The following ENSA variants were observed in gnomAD, a reference collection of about 807,000 sequenced individuals.
ENSA encodes the protein alpha-endosulfine.
ENSA carries 7 observed loss-of-function variants against 16.8 expected under a neutral mutation model. The observed-to-expected ratio is 0.42, with a 90% confidence interval of 0.24 to 0.78. The LOEUF (loss-of-function observed/expected upper bound fraction) is 0.78, where lower values mean the gene tolerates loss of function less well. Among genes scored for constraint, ENSA ranks in the 30% least tolerant of loss-of-function variants. The probability of loss-of-function intolerance (pLI) is 0.29; values close to 1 mark genes in which losing one functional copy is unlikely to be tolerated. For synonymous variants in ENSA, 58 were observed against 53.4 expected, an observed-to-expected ratio of 1.09 and a Z score of -0.37; for missense variants, 87 against 142.3, an observed-to-expected ratio of 0.61 and a Z score of 1.98.
Position 150,622,721 on chromosome 1 carries a change from G to T in ENSA, c.*123C>A. On this transcript the variant is annotated 3_prime_UTR_variant, in exon 4 of 4. Coordinates refer to ENST00000369014, the MANE Select transcript of ENSA (RefSeq NM_004436.4). ...ACAGGAAAGGGCTTCTGCCTCTCCA[G>T]CCCACACCCGAGCCACCTCCTGACC... The T allele has an allele frequency of 9.1e-7, 1 of 1,095,732 alleles. No homozygotes were observed. Among genetic ancestry groups the T allele is most frequent in the South Asian group, 1.6e-5 (1 of 62,148 alleles). The allele number at this position is 1,095,732 out of a possible 1,614,324, so 67.9% of individuals were successfully genotyped here.
At position 150,622,680 on chromosome 1, in the gene ENSA, A is replaced by T; in HGVS notation, c.*164T>A. On this transcript the variant is annotated 3_prime_UTR_variant, in exon 4 of 4. Transcript: ENST00000369014. The stretch of plus-strand genomic sequence containing the variant: ...CTTGGTGCTCAGCCCAAGGGGCTCC[A>T]TGTGCTGGGACACCAACAGGAAAGG... 1 of 578,208 alleles carries T rather than the reference A, an allele frequency of 1.7e-6. No individual in the cohort carries two copies. The highest frequency in any genetic ancestry group is 2.9e-6 in the Non-Finnish European group (1 of 345,642). The allele number at this position is 578,208 out of a possible 1,614,324, so 35.8% of individuals were successfully genotyped here. A position where few individuals can be genotyped will look rare whatever the true frequency, so the allele number is the denominator to read the frequency against.
At chr1:150,629,332 G>T (rs1207888934) in intron 1 of ENSA, 82 bp downstream of exon 1, 3 of 1,560,384 alleles carry the variant, frequency 1.9e-6, no homozygotes, top group South Asian at 1.2e-5. Context: ...AGACCATGGC[G>T]ACCAATCCGC....
intron 2 of ENSA, 46 bp from the exon 3 acceptor site, chr1:150,625,854 C>T: frequency 1.3e-6 from 2 of 1,517,864 alleles, no homozygotes; most frequent in Non-Finnish European, 1.8e-6. Context: ...CTCTGGCCTT[C>T]CTCAAAAACA....
At chr1:150,629,114 C>T (rs753076730) in intron 1 of ENSA, 1 of 1,614,198 alleles carries the variant, frequency 6.2e-7, no homozygotes, top group East Asian at 2.2e-5. Context: ...ATCCCCTTTC[C>T]ATTCACCGTC....
In ENSA at chr1:150,625,650, C is replaced by T; in HGVS notation, c.342G>A (p.Lys114=). Residue 114 remains lysine (K), a synonymous_variant, in exon 3 of 4, where the codon AAG becomes AAA. Transcript: ENST00000369014. ...AGGGGGGCTCAGGTTACCCCGCAAG[C>T]TTGCTGGTGACGAGCGAGGACTTTC... ...PQRKSSLVTS[K]LAGGQVE The T allele has an allele frequency of 1.9e-6, 3 of 1,603,938 alleles. No individual in the cohort carries two copies. Among genetic ancestry groups the T allele is most frequent in the Non-Finnish European group, 2.6e-6 (3 of 1,174,612 alleles).
At chr1:150,625,451 C>T (rs757808438) in intron 3 of ENSA, 191 bp downstream of exon 3, 13 of 1,310,820 alleles carry the variant, frequency 9.9e-6, no homozygotes, top group Non-Finnish European at 1.3e-5. Context: ...GTGGAAGTGT[C>T]AATCTAACGA....
In ENSA at chr1:150,622,681, T is replaced by C. The variant is rs1362022169; in HGVS notation, c.*163A>G. 3 of 551,724 alleles carry C rather than the reference T, an allele frequency of 5.4e-6. No individual in the cohort carries two copies. Among genetic ancestry groups the C allele is most frequent in the Admixed American group, 7.7e-5 (2 of 26,122 alleles). The allele number at this position is 551,724 out of a possible 1,614,324, so 34.2% of individuals were successfully genotyped here. On this transcript the variant is annotated 3_prime_UTR_variant, in exon 4 of 4. Transcript: ENST00000369014. The stretch of plus-strand genomic sequence containing the variant: ...TTGGTGCTCAGCCCAAGGGGCTCCA[T>C]GTGCTGGGACACCAACAGGAAAGGG...
chr1:150,627,349 C>T (rs1557771075), intron 2 of ENSA, 118 bp downstream of exon 2: 1 of 1,608,742 alleles, frequency 6.2e-7, no homozygotes, highest in Non-Finnish European at 8.5e-7. Context: ...TCAAATTCGC[C>T]TCTACTTCTG....
chr1:150,624,073 G>C, intron 3 of ENSA: 1 of 985,356 alleles, frequency 1.0e-6, no homozygotes, highest in African/African-American at 1.7e-5. Context: ...TCTCACCCTG[G>C]TCCTCTCTGT....
At chr1:150,624,072 G>C (rs746040791) in intron 3 of ENSA, 1 of 985,402 alleles carries the variant, frequency 1.0e-6, no homozygotes, top group Non-Finnish European at 1.2e-6. Flanking sequence ...TTCTCACCCT[G>C]GTCCTCTCTG....
At position 150,622,878 on chromosome 1, in the gene ENSA, G is replaced by GAAAAAAAAAA; in HGVS notation, c.351-29_351-20dup. The GAAAAAAAAAA allele has an allele frequency of 2.4e-6, 3 of 1,241,798 alleles. No homozygotes were observed. Among genetic ancestry groups the GAAAAAAAAAA allele is most frequent in the East Asian group, 5.8e-5 (2 of 34,306 alleles). The allele number at this position is 1,241,798 out of a possible 1,614,324, so 76.9% of individuals were successfully genotyped here. On this transcript the variant is annotated intron_variant, in intron 3 of 3. Coordinates refer to ENST00000369014, the MANE Select transcript of ENSA (RefSeq NM_004436.4). ...TTGGCCACTGCGGACGAACACAGAAGAAAAAAAAAAAAAACAACACTGTCA... is the reference window on the plus strand; with the variant it reads ...TTGGCCACTGCGGACGAACACAGAAGAAAAAAAAAAAAAAAAAAAAAAAACAACACTGTCA...
At position 150,625,661 on chromosome 1, in the gene ENSA, C is replaced by T. The variant is rs374404692; in HGVS notation, c.331G>A (p.Val111Ile). ...GGTTACCCCGCAAGCTTGCTGGTGA[C>T]GAGCGAGGACTTTCTCTGGGGCAGA... ...QDLPQRKSSL[V>I]TSKLAGGQVE The change falls in exon 3 of 4, where the codon GTC becomes ATC. Residue 111 changes from valine (V) to isoleucine (I), a missense_variant. Val to Ile is a conservative substitution (Grantham distance 29, BLOSUM62 3). Coordinates refer to ENST00000369014, the MANE Select transcript of ENSA (RefSeq NM_004436.4). The T allele has an allele frequency of 1.4e-5, 23 of 1,605,490 alleles. No individual in the cohort carries two copies. The highest frequency in any genetic ancestry group is 4.5e-5 in the South Asian group (4 of 89,786).
chr1:150,624,918 T>C (rs587766377), intron 3 of ENSA: 1 of 974,586 alleles, frequency 1.0e-6, no homozygotes, highest in South Asian at 4.8e-5. Flanking sequence ...CTGAGTAGAG[T>C]GAGAACCCAG....
intron 2 of ENSA, chr1:150,626,389 C>T: frequency 7.5e-7 from 1 of 1,325,980 alleles, no homozygotes; most frequent in Non-Finnish European, 1.1e-6. Flanking sequence ...CCTGCCTTGC[C>T]TCCAGCAAGG....
At chr1:150,623,272 C>T (rs895004982) in intron 3 of ENSA, 2 of 1,012,322 alleles carry the variant, frequency 2.0e-6, no homozygotes, top group African/African-American at 3.4e-5. Context: ...AACCAGACCA[C>T]ACACATGCTG....
intron 3 of ENSA, chr1:150,623,908 G>T: frequency 3.0e-6 from 3 of 985,440 alleles, no homozygotes; most frequent in Non-Finnish European, 2.4e-6. Context: ...ACACTGAATG[G>T]CCAGTCAGGA....
At chr1:150,627,234 C>T (rs866553753) in intron 2 of ENSA, 3 of 1,515,824 alleles carry the variant, frequency 2.0e-6, no homozygotes, top group Non-Finnish European at 2.6e-6. Flanking sequence ...TTTCCCCACA[C>T]ACCCAAATGC....
intron 3 of ENSA, among the ~76,000 whole-genome samples, 191 bp from the exon 4 acceptor site, chr1:150,623,050 T>C (rs1363886197): frequency 6.6e-6 from 1 of 152,206 alleles, no homozygotes; most frequent in African/African-American, 2.4e-5. Flanking sequence ...TTTCAGTCTT[T>C]TCCTATCCAC....
intron 1 of ENSA, chr1:150,629,150 T>A (rs587741475): frequency 1.2e-6 from 2 of 1,614,050 alleles, no homozygotes; most frequent in Admixed American, 1.7e-5. Context: ...CCCACGTCCA[T>A]GCTCGGCCAA....
Sources: allele counts gnomAD v4.1 joint callset (sites outside exome capture counted in the v4.1 genomes callset), GRCh38; gene constraint gnomAD v4.1.1; transcripts MANE v1.5; gene names NCBI Gene and HGNC (gene_info 2026-07-23, HGNC 2026-07-21).